The following CATSPERQ variants were observed in gnomAD, a reference collection of about 807,000 sequenced individuals.
CATSPERQ encodes the protein cation channel sperm-associated auxiliary subunit theta.
the CATSPERQ span, chr8:144,354,556 C>CCAA: frequency 4.2e-6 from 3 of 708,212 alleles, no homozygotes; most frequent in Non-Finnish European, 6.8e-6. This position sits in a 1 kb window ranked among gnomAD's most constrained non-coding sequence, Gnocchi z 4.6. Flanking sequence ...CCGTCTCCCT[C>CCAA]CTCCCCCGCC....
chr8:144,354,230 C>T, the CATSPERQ span: 2 of 1,544,526 alleles, frequency 1.3e-6, no homozygotes, highest in African/African-American at 2.7e-5. This position sits in a 1 kb window ranked among gnomAD's most constrained non-coding sequence, Gnocchi z 4.6. Context: ...GGCCCAGGGG[C>T]TCACACCTCT....
the CATSPERQ span, chr8:144,354,571 C>CCAAA: frequency 5.4e-6 from 4 of 736,474 alleles, no homozygotes; most frequent in Non-Finnish European, 6.3e-6. This position sits in a 1 kb window ranked among gnomAD's most constrained non-coding sequence, Gnocchi z 4.6. Context: ...CCCGCCCCGC[C>CCAAA]CTTCCCAGCC....
At chr8:144,353,335 G>A in the CATSPERQ span, 1 of 1,522,864 alleles carries the variant, frequency 6.6e-7, no homozygotes, top group South Asian at 1.2e-5. Flanking sequence ...CGAGGTGGGG[G>A]AGGCCCTCAG....
the CATSPERQ span, chr8:144,353,379 G>A: frequency 6.5e-7 from 1 of 1,535,278 alleles, no homozygotes; most frequent in Non-Finnish European, 8.7e-7. Flanking sequence ...AGAGGAGCTG[G>A]GCTTGTGACC....
At chr8:144,354,578 AGCCCC>A in the CATSPERQ span, 488 of 221,006 alleles carry the variant, frequency 2.2e-3, 3 homozygotes, top group African/African-American at 0.043. The surrounding 1 kb of genome is among the most constrained non-coding windows in gnomAD (Gnocchi z 4.6). Flanking sequence ...CGCCCTTCCC[AGCCCC>A]GCCCCGCCCC....
At chr8:144,354,599 G>GCCCCT in the CATSPERQ span, 1 of 674,028 alleles carries the variant, frequency 1.5e-6, no homozygotes, top group Non-Finnish European at 1.9e-6. The surrounding 1 kb of genome is among the most constrained non-coding windows in gnomAD (Gnocchi z 4.6). Context: ...GCCCCGCCCC[G>GCCCCT]CCCAGCCTCG....
chr8:144,354,555 T>TACAACC, the CATSPERQ span: 4 of 681,604 alleles, frequency 5.9e-6, no homozygotes, highest in African/African-American at 2.1e-5. The surrounding 1 kb of genome is among the most constrained non-coding windows in gnomAD (Gnocchi z 4.6). Flanking sequence ...CCCGTCTCCC[T>TACAACC]CCTCCCCCGC....
At chr8:144,354,678 G>A in the CATSPERQ span, 2 of 1,535,446 alleles carry the variant, frequency 1.3e-6, no homozygotes, top group South Asian at 1.2e-5. This position sits in a 1 kb window ranked among gnomAD's most constrained non-coding sequence, Gnocchi z 4.6. Context: ...TGGCCAGGTG[G>A]CGCTCCGGGC....
chr8:144,354,708 G>A, the CATSPERQ span: 1 of 1,535,648 alleles, frequency 6.5e-7, no homozygotes, highest in African/African-American at 1.4e-5. The surrounding 1 kb of genome is among the most constrained non-coding windows in gnomAD (Gnocchi z 4.6). Flanking sequence ...CTAGGAACCA[G>A]AGCTGGAAGC....
the CATSPERQ span, chr8:144,354,285 C>T: frequency 6.5e-7 from 1 of 1,534,754 alleles, no homozygotes; most frequent in East Asian, 2.4e-5. This position sits in a 1 kb window ranked among gnomAD's most constrained non-coding sequence, Gnocchi z 4.6. Context: ...TGATGAAGAG[C>T]AGCATCCCCT....
chr8:144,353,254 A>C, the CATSPERQ span: 10 of 1,394,864 alleles, frequency 7.2e-6, no homozygotes, highest in East Asian at 2.5e-4. Flanking sequence ...TATTGAAAGG[A>C]AGGCCAGTGA....
At chr8:144,353,331 G>C in the CATSPERQ span, 3 of 1,521,506 alleles carry the variant, frequency 2.0e-6, no homozygotes, top group Non-Finnish European at 1.8e-6. Flanking sequence ...GTCCCGAGGT[G>C]GGGGAGGCCC....
At chr8:144,354,853 A>C in the CATSPERQ span, 14 of 1,480,712 alleles carry the variant, frequency 9.5e-6, no homozygotes, top group Non-Finnish European at 1.3e-5. This position sits in a 1 kb window ranked among gnomAD's most constrained non-coding sequence, Gnocchi z 4.6. Flanking sequence ...TCGGTGAGCA[A>C]ATTCTCCAGG....
At chr8:144,354,638 A>G in the CATSPERQ span, 1 of 1,528,796 alleles carries the variant, frequency 6.5e-7, no homozygotes, top group Non-Finnish European at 8.8e-7. The surrounding 1 kb of genome is among the most constrained non-coding windows in gnomAD (Gnocchi z 4.6). Context: ...TGCTGCACGA[A>G]TGGGTAGAAG....
the CATSPERQ span, chr8:144,353,504 G>A: frequency 6.5e-7 from 1 of 1,535,484 alleles, no homozygotes; most frequent in Admixed American, 2.0e-5. Flanking sequence ...TCCGGGCGAT[G>A]TAACGGCCCA....
the CATSPERQ span, chr8:144,353,896 G>A: frequency 3.3e-6 from 5 of 1,529,604 alleles, no homozygotes; most frequent in Non-Finnish European, 3.5e-6. Context: ...CAGCCTGGCC[G>A]CCCCTCCGAC....
chr8:144,354,901 C>A, the CATSPERQ span: 2 of 1,393,574 alleles, frequency 1.4e-6, no homozygotes, highest in African/African-American at 1.4e-5. The surrounding 1 kb of genome is among the most constrained non-coding windows in gnomAD (Gnocchi z 4.6). Flanking sequence ...TCACAGGCGA[C>A]TGACAGGGCA....
At chr8:144,354,090 G>C in the CATSPERQ span, 72 of 1,535,222 alleles carry the variant, frequency 4.7e-5, no homozygotes, top group Middle Eastern at 1.7e-4. The surrounding 1 kb of genome is among the most constrained non-coding windows in gnomAD (Gnocchi z 4.6). Flanking sequence ...ACGAGATCAC[G>C]AGCCACAGGC....
chr8:144,353,766 G>A, the CATSPERQ span: 1 of 1,535,404 alleles, frequency 6.5e-7, no homozygotes, highest in East Asian at 2.4e-5. Context: ...CGCGTGTCTG[G>A]GCGGGACCCA....
Sources: allele counts gnomAD v4.1 joint callset, GRCh38; gene constraint gnomAD v4.1.1; non-coding constraint Gnocchi (gnomAD v3.1); transcripts MANE v1.5; gene names NCBI Gene and HGNC (gene_info 2026-07-23, HGNC 2026-07-21).